DLGAP2: variants seen among roughly 807,000 people sequenced by gnomAD.
DLGAP2 encodes disks large-associated protein 2.
Under a neutral mutation model 100.3 loss-of-function variants are expected in DLGAP2, and 26 were observed. The ratio of observed to expected loss-of-function variants is 0.26; its 90% CI spans 0.19 to 0.36. The LOEUF is 0.36. Among genes scored for constraint, DLGAP2 ranks in the 10% least tolerant of loss-of-function variants. DLGAP2 has a pLI of 1.00. For synonymous variants in DLGAP2, 886 were observed against 630.1 expected (o/e 1.41, Z -6.08); for missense variants, 1,858 against 1,453.2 (o/e 1.28, Z -4.53).
At chr8:1,349,746 A>C (rs1201179186) in intron 3 of DLGAP2, among the ~76,000 whole-genome samples, 10 of 151,900 alleles carry the variant, frequency 6.6e-5, no homozygotes, top group African/African-American at 2.4e-4. Flanking sequence ...AGGTAGGAAG[A>C]GGAAGGATGG....
Position 1,669,795 on chromosome 8 carries a change from A to C in DLGAP2, c.2202+11A>C. 1.3e-6 allele frequency: 1 copy of C among 780,926 alleles called. No homozygotes were observed. Among genetic ancestry groups the C allele is most frequent in the South Asian group, 1.3e-5 (1 of 74,630 alleles). 48.4% of individuals were successfully genotyped at this position (780,926 alleles called of 1,614,324 possible). A position where few individuals can be genotyped will look rare whatever the true frequency, so the allele number is the denominator to read the frequency against. ...TACCCAAGGTCAGATGTAAGTACCG[A>C]AATGTGCTCCAAAGCCGCGTCCGCA... On this transcript the variant is annotated intron_variant, in intron 10 of 14. Coordinates refer to ENST00000637795, the MANE Select transcript of DLGAP2 (RefSeq NM_001346810.2).
chr8:1,562,467 T>G lies in DLGAP2; in HGVS notation c.1231-3216T>G, dbSNP rs1280257355. 3.7e-3 allele frequency among the ~76,000 whole-genome samples: 79 copies of G among 21,226 alleles called. 1 individual carries two copies. The highest frequency in any genetic ancestry group is 6.4e-3 in the African/African-American group (33 of 5,118). The allele number at this position is 21,226 out of a possible 152,430, so 13.9% of individuals were successfully genotyped here. A position where few individuals can be genotyped will look rare whatever the true frequency, so the allele number is the denominator to read the frequency against. ...CGCCTCGTTGCTGCGGGACTGTGTG[T>G]TGTTGGGGTGTCGGCGCCTCGTTAC... On this transcript the variant is annotated intron_variant, in intron 5 of 14. Transcript: ENST00000637795.
intron 2 of DLGAP2, among the ~76,000 whole-genome samples, chr8:938,594 T>C (rs1348377721): frequency 6.6e-6 from 1 of 152,198 alleles, no homozygotes; most frequent in Admixed American, 6.5e-5. Flanking sequence ...AGCAGTTCCT[T>C]ATTCCTGACT....
intron 3 of DLGAP2, among the ~76,000 whole-genome samples, chr8:1,365,944 T>C (rs1301959087): frequency 6.6e-6 from 1 of 152,168 alleles, no homozygotes; most frequent in South Asian, 2.1e-4. Context: ...TAGCTTCACG[T>C]CTCTTTGTGG....
rs775936786 is a variant in DLGAP2, at chr8:899,951, C to G, written c.19-7961C>G. Among the ~76,000 whole-genome samples the G allele has an allele frequency of 7.9e-5, 12 of 152,270 alleles. No individual in the cohort carries two copies. In the East Asian group the frequency reaches 1.7e-3, roughly 22 times the overall value. ...TCCCTCCCGAGGCCAGCGGGAACAG[C>G]GAGAATCACCATCCCAGAAGGCAGA... On this transcript the variant is annotated intron_variant, in intron 1 of 14. Coordinates refer to ENST00000637795, the MANE Select transcript of DLGAP2 (RefSeq NM_001346810.2).
chr8:1,627,201 T>C (rs987929791), intron 7 of DLGAP2, among the ~76,000 whole-genome samples: 3 of 152,254 alleles, frequency 2.0e-5, no homozygotes, highest in Non-Finnish European at 2.9e-5. Context: ...TCCCAGGCTA[T>C]TTTTCCAGTA....
chr8:885,054 G>A (rs1464028954), intron 1 of DLGAP2, among the ~76,000 whole-genome samples: 1 of 152,170 alleles, frequency 6.6e-6, no homozygotes, highest in Non-Finnish European at 1.5e-5. Context: ...ATAGTTTGAT[G>A]TCAGGTAGCA....
intron 2 of DLGAP2, among the ~76,000 whole-genome samples, chr8:1,027,900 C>G (rs1387530542): frequency 1.4e-5 from 2 of 138,742 alleles, no homozygotes; most frequent in African/African-American, 2.7e-5. Flanking sequence ...GCCAGGCGCC[C>G]GTTATTCTCC....
chr8:1,047,140 C>A (rs1407907639), intron 2 of DLGAP2, among the ~76,000 whole-genome samples: 3 of 152,176 alleles, frequency 2.0e-5, no homozygotes, highest in Non-Finnish European at 4.4e-5. Flanking sequence ...GCAGTCACTG[C>A]CCATCATCTC....
At chr8:1,670,018 A>G (rs1798650945) in intron 10 of DLGAP2, among the ~76,000 whole-genome samples, 1 of 151,890 alleles carries the variant, frequency 6.6e-6, no homozygotes, top group African/African-American at 2.4e-5. Flanking sequence ...CAGGAAAGCT[A>G]GGGTGCCATC....
chr8:829,195 A>T (rs1424936862), intron 1 of DLGAP2, among the ~76,000 whole-genome samples: 1 of 152,212 alleles, frequency 6.6e-6, no homozygotes, highest in African/African-American at 2.4e-5. Flanking sequence ...ATTGGTAAGG[A>T]ATCCAGTTTC....
chr8:1,241,739 A>C (rs1352846554), intron 2 of DLGAP2, among the ~76,000 whole-genome samples: 2 of 52,232 alleles, frequency 3.8e-5, no homozygotes, highest in Non-Finnish European at 7.4e-5. Flanking sequence ...AACATATGTA[A>C]GTGGTGAAAA....
chr8:802,332 C>T (rs73181027), intron 1 of DLGAP2, among the ~76,000 whole-genome samples: 15,194 of 149,014 alleles, frequency 0.1, 1,114 homozygotes, highest in Middle Eastern at 0.19. Context: ...GAATAGTCCG[C>T]GCTCCTCCTG....
At chr8:1,218,501 T>TTC (rs1047433770) in intron 2 of DLGAP2, among the ~76,000 whole-genome samples, 5 of 151,962 alleles carry the variant, frequency 3.3e-5, no homozygotes, top group African/African-American at 1.2e-4. Context: ...TTAGTTTTGT[T>TTC]TTTTTACCAG....
At chr8:1,325,759 G>A (rs1274997832) in intron 3 of DLGAP2, among the ~76,000 whole-genome samples, 3 of 152,204 alleles carry the variant, frequency 2.0e-5, no homozygotes, top group Non-Finnish European at 2.9e-5. Context: ...ACTCAGGTCT[G>A]TTTTCCTGAG....
chr8:1,154,627 AT>A (rs5888822), intron 2 of DLGAP2, among the ~76,000 whole-genome samples: 118,971 of 152,126 alleles, frequency 0.78, 47,905 homozygotes, highest in Non-Finnish European at 0.87. Flanking sequence ...TTAACCATCC[AT>A]TAAAAACCCC....
intron 2 of DLGAP2, among the ~76,000 whole-genome samples, chr8:1,159,785 G>C (rs1295052488): frequency 1.3e-5 from 2 of 152,164 alleles, no homozygotes; most frequent in East Asian, 1.9e-4. Flanking sequence ...TTCAAGGAAC[G>C]AATGAAAAGT....
intron 2 of DLGAP2, among the ~76,000 whole-genome samples, chr8:1,072,587 G>A (rs942557239): frequency 3.3e-5 from 5 of 152,272 alleles, no homozygotes; most frequent in East Asian, 3.9e-4. Context: ...GGCTGTTCCC[G>A]AGAGCATTGG....
intron 3 of DLGAP2, among the ~76,000 whole-genome samples, chr8:1,357,039 C>T (rs1180054971): frequency 1.3e-5 from 2 of 150,790 alleles, no homozygotes; most frequent in Non-Finnish European, 3.0e-5. Flanking sequence ...GAGAAATCAT[C>T]CTCCCTGTTA....
Sources: gnomAD v4.1 joint callset for allele counts (sites outside exome capture counted in the v4.1 genomes callset) on GRCh38, gnomAD v4.1.1 for gene constraint, MANE v1.5 for transcripts, NCBI Gene and HGNC (gene_info 2026-07-23, HGNC 2026-07-21) for gene names.